JAKMIP2: variants seen among roughly 807,000 people sequenced by gnomAD.
JAKMIP2 encodes the protein janus kinase and microtubule interacting protein 2.
JAKMIP2 carries 25 observed loss-of-function variants against 115.0 expected under a neutral mutation model. The ratio of observed to expected loss-of-function variants is 0.22; its 90% CI spans 0.16 to 0.30. The LOEUF (loss-of-function observed/expected upper bound fraction) is 0.30. JAKMIP2 is among the 10% of genes least tolerant of loss of function. The pLI is 1.00. For synonymous variants in JAKMIP2, 334 were observed against 343.6 expected (o/e 0.97, Z 0.31); for missense variants, 642 against 957.6 (o/e 0.67, Z 4.35).
chr5:147,762,430 A>G (rs1426886940), intron 1 of JAKMIP2, among the ~76,000 whole-genome samples: 1 of 152,138 alleles, frequency 6.6e-6, no homozygotes, highest in Non-Finnish European at 1.5e-5. Context: ...AGCGACATAA[A>G]TTTATCTTCT....
At chr5:147,674,549 T>C (rs1450650052) in intron 1 of JAKMIP2, among the ~76,000 whole-genome samples, 1 of 152,126 alleles carries the variant, frequency 6.6e-6, no homozygotes, top group African/African-American at 2.4e-5. Flanking sequence ...TGTTGCATGA[T>C]AGGCTAGGGA....
chr5:147,779,513 T>C (rs993804524), intron 1 of JAKMIP2, among the ~76,000 whole-genome samples: 2 of 152,050 alleles, frequency 1.3e-5, no homozygotes, highest in Non-Finnish European at 2.9e-5. Context: ...CTATACAATA[T>C]GAAATAATTT....
chr5:147,631,569 TA>T, intron 13 of JAKMIP2, 58 bp from the exon 14 acceptor site: 1 of 1,102,528 alleles, frequency 9.1e-7, no homozygotes, highest in East Asian at 2.4e-5. Context: ...AATTAAACAC[TA>T]AACCAGTGGT....
At position 147,764,934 on chromosome 5, in the gene JAKMIP2, G is replaced by C. The variant is rs59302255; in HGVS notation, c.-149+17522C>G. Among the ~76,000 whole-genome samples the C allele has an allele frequency of 1.4e-4, 13 of 92,022 alleles. 1 individual carries two copies. The highest frequency in any genetic ancestry group is 1.2e-4 in the African/African-American group (2 of 16,318). The allele number at this position is 92,022 out of a possible 152,430, so 60.4% of individuals were successfully genotyped here. A position where few individuals can be genotyped will look rare whatever the true frequency, so the allele number is the denominator to read the frequency against. ...AGAAAGAAAGAAAGAGAGAGAGAGA[G>C]AGAGAGAGAGAGGGAGAGAGAGAGA... is the stretch of plus-strand genomic sequence containing the variant. On this transcript the variant is annotated intron_variant, in intron 1 of 21. Coordinates refer to ENST00000616793, the MANE Select transcript of JAKMIP2 (RefSeq NM_001270941.2).
chr5:147,628,594 C>T lies in JAKMIP2; in HGVS notation c.1995+157G>A, dbSNP rs139240229. 2.1e-3 allele frequency among the ~76,000 whole-genome samples: 319 copies of T among 152,198 alleles called. 2 individuals are homozygous for T. Among genetic ancestry groups the T allele is most frequent in the African/African-American group, 7.2e-3 (299 of 41,534 alleles). On this transcript the variant is annotated intron_variant, in intron 16 of 21. Transcript: ENST00000616793. ...TGTATAGACTTTTCGTTTGGGTGTT[C>T]TCATTCTATCTGGGTTGTACTACCC... is the stretch of plus-strand genomic sequence containing the variant.
intron 1 of JAKMIP2, among the ~76,000 whole-genome samples, chr5:147,748,029 A>C (rs1195051049): frequency 7.2e-5 from 11 of 152,190 alleles, no homozygotes; most frequent in Admixed American, 7.2e-4. Context: ...ACATTGACTG[A>C]ATGACTGAAT....
intron 1 of JAKMIP2, among the ~76,000 whole-genome samples, chr5:147,694,249 C>A (rs7708655): frequency 0.16 from 24,408 of 152,048 alleles, 2,251 homozygotes; most frequent in African/African-American, 0.24. Context: ...CTTTAATGAT[C>A]CATTTTGGCT....
chr5:147,734,251 A>C (rs897944494), intron 1 of JAKMIP2, among the ~76,000 whole-genome samples: 20 of 152,270 alleles, frequency 1.3e-4, no homozygotes, highest in African/African-American at 4.8e-4. Flanking sequence ...AAAGTCAGGA[A>C]ACAACAGATG....
chr5:147,696,029 T>G (rs1752092685), intron 1 of JAKMIP2, among the ~76,000 whole-genome samples: 2 of 152,162 alleles, frequency 1.3e-5, no homozygotes, highest in African/African-American at 2.4e-5. Context: ...ATTACAGGCT[T>G]CTACCAGCCT....
At chr5:147,760,308 G>A (rs1754887083) in intron 1 of JAKMIP2, among the ~76,000 whole-genome samples, 1 of 151,662 alleles carries the variant, frequency 6.6e-6, no homozygotes, top group Non-Finnish European at 1.5e-5. Context: ...TGGGGAGAAT[G>A]TAGCCAGAAA....
At chr5:147,659,388 A>T (rs955791562) in intron 3 of JAKMIP2, among the ~76,000 whole-genome samples, 3 of 151,812 alleles carry the variant, frequency 2.0e-5, no homozygotes, top group Non-Finnish European at 4.4e-5. Context: ...TCCCAGTGAG[A>T]TGAACTGGAT....
At chr5:147,712,314 T>G (rs1037938653) in intron 1 of JAKMIP2, among the ~76,000 whole-genome samples, 1 of 152,202 alleles carries the variant, frequency 6.6e-6, no homozygotes, top group Non-Finnish European at 1.5e-5. Flanking sequence ...GCCAATTTTC[T>G]TTTTTGTAAC....
At chr5:147,753,585 T>G (rs895390487) in intron 1 of JAKMIP2, among the ~76,000 whole-genome samples, 1 of 152,228 alleles carries the variant, frequency 6.6e-6, no homozygotes, top group African/African-American at 2.4e-5. Flanking sequence ...GAAAATCCAG[T>G]TTATTTGATA....
At chr5:147,605,087 A>T (rs1037255912) in intron 20 of JAKMIP2, among the ~76,000 whole-genome samples, 3 of 150,600 alleles carry the variant, frequency 2.0e-5, no homozygotes, top group Non-Finnish European at 4.4e-5. Flanking sequence ...TTGGTTTTCT[A>T]TTCCTCTGTT....
chr5:147,738,415 A>C (rs1025889672), intron 1 of JAKMIP2, among the ~76,000 whole-genome samples: 1 of 152,318 alleles, frequency 6.6e-6, no homozygotes, highest in South Asian at 2.1e-4. Context: ...AAATGTTTAC[A>C]ATATTAAAAA....
intron 1 of JAKMIP2, 101 bp from the exon 2 acceptor site, chr5:147,672,055 T>C: frequency 2.7e-6 from 2 of 747,642 alleles, no homozygotes; most frequent in Non-Finnish European, 3.5e-6. Flanking sequence ...AGCCTCCTCC[T>C]GAGGCTCTCC....
At chr5:147,605,788 A>G (rs1231658534) in intron 20 of JAKMIP2, among the ~76,000 whole-genome samples, 1 of 152,108 alleles carries the variant, frequency 6.6e-6, no homozygotes, top group African/African-American at 2.4e-5. Context: ...GAACTAATTT[A>G]CACTCCCGCC....
At chr5:147,655,512 T>C (rs1050738323) in intron 3 of JAKMIP2, among the ~76,000 whole-genome samples, 1 of 152,232 alleles carries the variant, frequency 6.6e-6, no homozygotes, top group Non-Finnish European at 1.5e-5. Flanking sequence ...TATTCTCTGA[T>C]GGTAGTTTGT....
chr5:147,747,054 G>A (rs75712678), intron 1 of JAKMIP2, among the ~76,000 whole-genome samples: 2,463 of 152,232 alleles, frequency 0.016, 74 homozygotes, highest in African/African-American at 0.055. Flanking sequence ...AGGTAAGCTC[G>A]AATGTCTTTC....
Sources: allele counts gnomAD v4.1 joint callset (sites outside exome capture counted in the v4.1 genomes callset), GRCh38; gene constraint gnomAD v4.1.1; transcripts MANE v1.5; gene names NCBI Gene and HGNC (gene_info 2026-07-23, HGNC 2026-07-21).